Variants in SHQ1 observed in about 807,000 individuals in gnomAD.
SHQ1 encodes the protein SHQ1, H/ACA ribonucleoprotein assembly factor.
Under a neutral mutation model 53.8 loss-of-function variants are expected in SHQ1, and 49 were observed. The ratio of observed to expected loss-of-function variants is 0.91; its 90% CI spans 0.72 to 1.16. The LOEUF is 1.16. Among genes scored for constraint, SHQ1 ranks in the 50% most tolerant of loss-of-function variants. The probability of loss-of-function intolerance (pLI) is 0.00; values close to 1 mark genes in which losing one functional copy is unlikely to be tolerated. For synonymous variants in SHQ1, 243 were observed against 251.0 expected (o/e 0.97, Z 0.30); for missense variants, 738 against 683.1 (o/e 1.08, Z -0.90).
At chr3:72,787,979 G>A (rs1230228259) in intron 10 of SHQ1, among the ~76,000 whole-genome samples, 1 of 152,214 alleles carries the variant, frequency 6.6e-6, no homozygotes, top group Non-Finnish European at 1.5e-5. Flanking sequence ...GCCTCCCGAG[G>A]TGCCGGGATT....
chr3:72,805,729 T>C (rs892483236), intron 9 of SHQ1, among the ~76,000 whole-genome samples: 8 of 152,200 alleles, frequency 5.3e-5, no homozygotes, highest in Non-Finnish European at 1.0e-4. Flanking sequence ...AGCATTTCTA[T>C]ATAACTCCAG....
chr3:72,765,557 A>ATATATATATATATTTTT (rs1491527508), intron 10 of SHQ1, among the ~76,000 whole-genome samples: 11 of 57,192 alleles, frequency 1.9e-4, no homozygotes, highest in African/African-American at 8.7e-4. Flanking sequence ...ATATATATAT[A>ATATATATATATATTTTT]TTTTTTTTTT....
chr3:72,725,755 A>G, the SHQ1 span, among the ~76,000 whole-genome samples: 1 of 152,150 alleles, frequency 6.6e-6, no homozygotes. Context: ...TACAGAGTCC[A>G]AGTAATACCT....
chr3:72,824,455 CTT>C lies in SHQ1; in HGVS notation c.694_695del (p.Lys232GlufsTer15), dbSNP rs1486439841. 6.2e-7 allele frequency: 1 copy of C among 1,612,198 alleles called. No individual in the cohort carries two copies. Among genetic ancestry groups the C allele is most frequent in the South Asian group, 1.1e-5 (1 of 90,722 alleles). On this transcript the variant is annotated frameshift_variant, in exon 6 of 11. Transcript: ENST00000325599. LOFTEE classifies it high-confidence loss of function. ...KYSKMMAFLE[K>X]SQEQENHATL... The stretch of plus-strand genomic sequence containing the variant: ...TAGCATGATTTTCTTGTTCCTGACT[CTT>C]TTCCAAAAAGGCCATCATTTTTGAA...
chr3:72,791,710 T>A (rs1464793879), intron 10 of SHQ1, among the ~76,000 whole-genome samples: 1 of 151,714 alleles, frequency 6.6e-6, no homozygotes, highest in African/African-American at 2.4e-5. Context: ...CCTTTATAGG[T>A]TTTTTGTTTT....
chr3:72,837,822 G>T (rs531601756), intron 4 of SHQ1, among the ~76,000 whole-genome samples: 1 of 152,246 alleles, frequency 6.6e-6, no homozygotes, highest in Non-Finnish European at 1.5e-5. Context: ...ATAAACAGCA[G>T]CTGTGAATGA....
At chr3:72,836,312 AC>A (rs1376019772) in intron 4 of SHQ1, among the ~76,000 whole-genome samples, 1 of 152,136 alleles carries the variant, frequency 6.6e-6, no homozygotes, top group East Asian at 1.9e-4. Flanking sequence ...ACACGGTGAA[AC>A]CCCGTCTCTA....
intron 10 of SHQ1, among the ~76,000 whole-genome samples, chr3:72,752,566 C>T (rs1310550159): frequency 1.3e-5 from 2 of 151,540 alleles, no homozygotes; most frequent in Non-Finnish European, 2.9e-5. Context: ...CTCACTGTGT[C>T]GCCAGGCTGG....
chr3:72,834,276 C>A (rs1707925566), intron 4 of SHQ1, among the ~76,000 whole-genome samples: 1 of 152,182 alleles, frequency 6.6e-6, no homozygotes. Flanking sequence ...TGCCTGTAAT[C>A]CCAGCACTTC....
intron 9 of SHQ1, among the ~76,000 whole-genome samples, chr3:72,804,612 T>C (rs1706884530): frequency 6.6e-6 from 1 of 152,244 alleles, no homozygotes; most frequent in Non-Finnish European, 1.5e-5. Flanking sequence ...TTATACTCCC[T>C]TGCACGGAGA....
At position 72,848,440 on chromosome 3, in the gene SHQ1, T is replaced by G. The variant is rs1575749135; in HGVS notation, c.-100A>C. 2 of 1,526,226 alleles carry G rather than the reference T, an allele frequency of 1.3e-6. No homozygotes were observed. The highest frequency in any genetic ancestry group is 8.8e-7 in the Non-Finnish European group (1 of 1,141,704). 94.5% of individuals were successfully genotyped at this position (1,526,226 alleles called of 1,614,324 possible). A position where few individuals can be genotyped will look rare whatever the true frequency, so the allele number is the denominator to read the frequency against. ...TCCCCACGCGCAGGAACTCTCGGTG[T>G]GAGGGACGGAGCTTCCGGCTCGAGG... On this transcript the variant is annotated 5_prime_UTR_variant, in exon 1 of 11. Coordinates refer to ENST00000325599, the MANE Select transcript of SHQ1 (RefSeq NM_018130.3).
chr3:72,734,345 C>T, the SHQ1 span, among the ~76,000 whole-genome samples: 4 of 151,070 alleles, frequency 2.6e-5, no homozygotes, highest in African/African-American at 7.3e-5. Context: ...CAACCTCTGT[C>T]TCCCAGGTTC....
At chr3:72,732,388 G>GCCTTCCTTCCTTCCTTCCTTCCTT in the SHQ1 span, among the ~76,000 whole-genome samples, 408 of 58,020 alleles carry the variant, frequency 7.0e-3, 2 homozygotes, top group South Asian at 0.012. Context: ...CTGCCTGCCT[G>GCCTTCCTTCCTTCCTTCCTTCCTT]CCTTCCTTCC....
intron 9 of SHQ1, chr3:72,795,430 G>C (rs1397573550): frequency 6.6e-6 from 1 of 152,192 alleles, no homozygotes; most frequent in Non-Finnish European, 1.5e-5. Flanking sequence ...ATGAAAGGAG[G>C]AGGAAATATA....
In SHQ1 at chr3:72,810,743, C is replaced by A. The variant is rs75299959; in HGVS notation, c.1060+1928G>T. Reference sequence around the variant, plus strand: ...GGCATCCCCGTGCCATCCACCTGTACAAAGACAGGTGACGATTCTCATCCA... The same window carrying A: ...GGCATCCCCGTGCCATCCACCTGTAAAAAGACAGGTGACGATTCTCATCCA... On this transcript the variant is annotated intron_variant, in intron 9 of 10. Transcript: ENST00000325599. Among the ~76,000 whole-genome samples the A allele has an allele frequency of 5.4e-3, 825 of 152,280 alleles. 4 individuals carry two copies. The highest frequency in any genetic ancestry group is 0.019 in the African/African-American group (773 of 41,556).
At chr3:72,797,651 C>T (rs1706668554) in intron 9 of SHQ1, among the ~76,000 whole-genome samples, 1 of 152,236 alleles carries the variant, frequency 6.6e-6, no homozygotes. Context: ...GCTCTCTTCA[C>T]AAGCTGTGTT....
intron 9 of SHQ1, chr3:72,793,933 T>C (rs1214393502): frequency 6.6e-6 from 1 of 152,242 alleles, no homozygotes; most frequent in African/African-American, 2.4e-5. Context: ...CCTCCTGGTT[T>C]TTAAATGAAC....
intron 9 of SHQ1, among the ~76,000 whole-genome samples, chr3:72,806,071 A>G (rs1424421574): frequency 1.3e-5 from 2 of 152,210 alleles, no homozygotes; most frequent in African/African-American, 2.4e-5. Context: ...ATACAGAGTT[A>G]TAAGTATAAA....
chr3:72,813,149 C>T (rs750751793), intron 8 of SHQ1, among the ~76,000 whole-genome samples: 25 of 152,132 alleles, frequency 1.6e-4, no homozygotes, highest in Admixed American at 7.9e-4. Flanking sequence ...TTTTTGTCAG[C>T]TAAGGCTATT....
Sources: gnomAD v4.1 joint callset for allele counts (sites outside exome capture counted in the v4.1 genomes callset) on GRCh38, gnomAD v4.1.1 for gene constraint, MANE v1.5 for transcripts, NCBI Gene and HGNC (gene_info 2026-07-23, HGNC 2026-07-21) for gene names.